Variants in PPP2R2B observed in about 807,000 individuals in gnomAD.
The protein encoded by PPP2R2B is serine/threonine-protein phosphatase 2A 55 kDa regulatory subunit B beta isoform.
PPP2R2B carries 5 observed loss-of-function variants against 46.0 expected under a neutral mutation model. That is an observed-to-expected ratio of 0.11 (90% CI 0.06 to 0.23). The LOEUF is 0.23. PPP2R2B is among the 10% of genes least tolerant of loss of function. The pLI is 1.00. For synonymous variants in PPP2R2B, 215 were observed against 206.7 expected (o/e 1.04, Z -0.34); for missense variants, 367 against 575.0 (o/e 0.64, Z 3.70).
At chr5:147,026,379 A>G (rs995760851) in intron 1 of PPP2R2B, among the ~76,000 whole-genome samples, 7 of 152,272 alleles carry the variant, frequency 4.6e-5, no homozygotes, top group African/African-American at 1.4e-4. Context: ...TACATACTCT[A>G]TGAGTTTATA....
At chr5:146,988,500 C>G (rs183415205) in intron 1 of PPP2R2B, among the ~76,000 whole-genome samples, 29 of 151,966 alleles carry the variant, frequency 1.9e-4, no homozygotes, top group Middle Eastern at 3.4e-3. Flanking sequence ...AATTAAACAA[C>G]TTGCTCATGA....
chr5:146,783,572 C>T (rs547243567), intron 2 of PPP2R2B, among the ~76,000 whole-genome samples: 4 of 152,140 alleles, frequency 2.6e-5, no homozygotes, highest in Non-Finnish European at 5.9e-5. Context: ...AAACATCATG[C>T]TATTTTAAAA....
At chr5:146,705,647 C>A (rs1479467192) in intron 2 of PPP2R2B, among the ~76,000 whole-genome samples, 1 of 152,132 alleles carries the variant, frequency 6.6e-6, no homozygotes, top group Non-Finnish European at 1.5e-5. Context: ...AAGTCAGCAT[C>A]CATTTTCTCT....
intron 1 of PPP2R2B, among the ~76,000 whole-genome samples, chr5:146,996,173 T>C (rs1049670110): frequency 2.0e-5 from 3 of 152,272 alleles, no homozygotes; most frequent in East Asian, 3.9e-4. Flanking sequence ...CTATGACAGA[T>C]TCACAGATAA....
At chr5:146,647,485 A>T (rs1775665468) in intron 6 of PPP2R2B, among the ~76,000 whole-genome samples, 1 of 152,186 alleles carries the variant, frequency 6.6e-6, no homozygotes, top group Admixed American at 6.5e-5. Flanking sequence ...TATAGATATC[A>T]CTTATCATCG....
intron 2 of PPP2R2B, among the ~76,000 whole-genome samples, chr5:146,850,581 G>A (rs560309213): frequency 6.6e-6 from 1 of 152,136 alleles, no homozygotes; most frequent in African/African-American, 2.4e-5. Context: ...CTCCCTGCCT[G>A]GGTCATCTTC....
upstream of PPP2R2B, among the ~76,000 whole-genome samples, chr5:147,060,592 C>T (rs2151907261): frequency 6.6e-6 from 1 of 152,238 alleles, no homozygotes; most frequent in East Asian, 1.9e-4. Flanking sequence ...CACACCACAG[C>T]ACTCCAGCCT....
chr5:146,981,694 CA>C (rs1018780970), intron 1 of PPP2R2B, among the ~76,000 whole-genome samples: 14 of 152,110 alleles, frequency 9.2e-5, no homozygotes, highest in African/African-American at 3.4e-4. Context: ...AGAACATTTC[CA>C]TCCCCACAAG....
chr5:146,967,364 T>G (rs1317704423), intron 1 of PPP2R2B, among the ~76,000 whole-genome samples: 1 of 152,224 alleles, frequency 6.6e-6, no homozygotes, highest in Non-Finnish European at 1.5e-5. Flanking sequence ...TTGAAGATTT[T>G]ATTATGTGCC....
rs1428304830 is a variant in PPP2R2B, at chr5:146,702,694, T to G, written c.71-1552A>C. ...TTGGCAAGTATTTTTTCCAATGCCA[T>G]GAGAATGAAAAAGTTAATCATATCT... On this transcript the variant is annotated intron_variant, in intron 2 of 9. Transcript: ENST00000394411. 2.0e-5 allele frequency among the ~76,000 whole-genome samples: 3 copies of G among 152,246 alleles called. No homozygotes were observed. The East Asian group carries it at 5.8e-4, about 29-fold the overall frequency.
At chr5:146,916,648 A>G (rs1763395948) in intron 1 of PPP2R2B, among the ~76,000 whole-genome samples, 1 of 152,088 alleles carries the variant, frequency 6.6e-6, no homozygotes, top group South Asian at 2.1e-4. Flanking sequence ...GTGAGTCCAT[A>G]CTCACTCAGC....
intron 2 of PPP2R2B, among the ~76,000 whole-genome samples, chr5:146,752,837 C>T (rs1753635813): frequency 6.6e-6 from 1 of 152,168 alleles, no homozygotes; most frequent in African/African-American, 2.4e-5. Context: ...AATAATCTCA[C>T]CAACAGACTT....
chr5:147,030,372 G>A (rs912055052), intron 1 of PPP2R2B, among the ~76,000 whole-genome samples: 1 of 152,132 alleles, frequency 6.6e-6, no homozygotes, highest in Admixed American at 6.5e-5. Flanking sequence ...GATTCTAATA[G>A]TTTGCCTATA....
At chr5:146,915,414 C>T (rs554010849) in intron 1 of PPP2R2B, among the ~76,000 whole-genome samples, 3 of 151,696 alleles carry the variant, frequency 2.0e-5, no homozygotes, top group South Asian at 4.2e-4. Context: ...TCCCCTCCTA[C>T]TCAATAAATC....
chr5:147,018,871 C>T (rs1167133837), intron 1 of PPP2R2B, among the ~76,000 whole-genome samples: 4 of 152,162 alleles, frequency 2.6e-5, no homozygotes, highest in Non-Finnish European at 4.4e-5. Context: ...ATCAGGCAAA[C>T]TCAGAACAGA....
At chr5:146,960,257 C>G (rs1321127244) in intron 1 of PPP2R2B, among the ~76,000 whole-genome samples, 2 of 152,144 alleles carry the variant, frequency 1.3e-5, no homozygotes, top group Non-Finnish European at 2.9e-5. Context: ...TTTCATCACT[C>G]AGATACTATC....
chr5:146,942,080 C>A (rs541082631), intron 1 of PPP2R2B, among the ~76,000 whole-genome samples: 2 of 152,280 alleles, frequency 1.3e-5, no homozygotes, highest in South Asian at 4.1e-4. Flanking sequence ...TATATTGGAT[C>A]AGGGCCCACT....
In PPP2R2B at chr5:146,761,214, T is replaced by C. The variant is rs554894844; in HGVS notation, c.71-60072A>G. ...ATGCTGCTATAAAGACACATGCACA[T>C]GTATGTTTATTGCGGCACTGCTCAC... On this transcript the variant is annotated intron_variant, in intron 2 of 9. Coordinates refer to ENST00000394411, the MANE Select transcript of PPP2R2B (RefSeq NM_181675.4). Among the ~76,000 whole-genome samples, 8 of 152,268 alleles carry C rather than the reference T, an allele frequency of 5.3e-5. No homozygotes were observed. In the South Asian group the frequency reaches 1.2e-3, roughly 24 times the overall value.
chr5:146,966,835 C>T (rs979517673), intron 1 of PPP2R2B, among the ~76,000 whole-genome samples: 2 of 152,238 alleles, frequency 1.3e-5, no homozygotes, highest in Non-Finnish European at 2.9e-5. Context: ...AAGGTCTGTA[C>T]ATAGATCACC....
Sources: gnomAD v4.1 joint callset for allele counts (sites outside exome capture counted in the v4.1 genomes callset) on GRCh38, gnomAD v4.1.1 for gene constraint, MANE v1.5 for transcripts, NCBI Gene and HGNC (gene_info 2026-07-23, HGNC 2026-07-21) for gene names.